VOPP1: variants seen among roughly 807,000 people sequenced by gnomAD.
VOPP1 encodes the protein VOPP1 WW domain binding protein, also known as WW domain binding protein VOPP1.
A neutral mutation model predicts 23.5 loss-of-function variants in VOPP1; 8 were observed. That is an observed-to-expected ratio of 0.34 (90% CI 0.20 to 0.61). The LOEUF (loss-of-function observed/expected upper bound fraction) is 0.61, where lower values mean the gene tolerates loss of function less well. VOPP1 is among the 20% of genes least tolerant of loss of function. The pLI is 0.78. For synonymous variants in VOPP1, 83 were observed against 97.3 expected (o/e 0.85, Z 0.86); for missense variants, 174 against 238.1 (o/e 0.73, Z 1.77).
intron 1 of VOPP1, among the ~76,000 whole-genome samples, chr7:55,556,612 C>T (rs917539636): frequency 7.0e-6 from 1 of 142,560 alleles, no homozygotes; most frequent in East Asian, 2.1e-4. Flanking sequence ...TCTGTGAAAA[C>T]AAATAAACCT....
At chr7:55,453,072 C>A (rs1791283634) in intron 4 of VOPP1, among the ~76,000 whole-genome samples, 1 of 152,194 alleles carries the variant, frequency 6.6e-6, no homozygotes, top group African/African-American at 2.4e-5. Flanking sequence ...AGTGTAGCCA[C>A]CCTCCTCAGT....
At chr7:55,565,534 A>C (rs1461262915) in intron 1 of VOPP1, among the ~76,000 whole-genome samples, 1 of 152,246 alleles carries the variant, frequency 6.6e-6, no homozygotes, top group Non-Finnish European at 1.5e-5. Context: ...ACTGGATTTT[A>C]AAAAATAGTG....
At chr7:55,551,841 A>C (rs1013509689) in intron 1 of VOPP1, among the ~76,000 whole-genome samples, 12 of 152,122 alleles carry the variant, frequency 7.9e-5, no homozygotes, top group Non-Finnish European at 1.5e-5. Flanking sequence ...GCAGTTTGAG[A>C]CCAGCCGGGC....
At chr7:55,506,043 C>T (rs975621013) in intron 2 of VOPP1, among the ~76,000 whole-genome samples, 1 of 152,204 alleles carries the variant, frequency 6.6e-6, no homozygotes, top group African/African-American at 2.4e-5. Context: ...ACAAAACACC[C>T]TTTTAATAAT....
At chr7:55,507,487 T>A (rs1794807515) in intron 2 of VOPP1, among the ~76,000 whole-genome samples, 1 of 152,106 alleles carries the variant, frequency 6.6e-6, no homozygotes, top group African/African-American at 2.4e-5. Context: ...ATGAGTTTGG[T>A]CATATGCAAA....
intron 2 of VOPP1, among the ~76,000 whole-genome samples, chr7:55,519,678 C>G (rs1795710151): frequency 6.6e-6 from 1 of 152,230 alleles, no homozygotes; most frequent in African/African-American, 2.4e-5. Context: ...CTTTCTGCAG[C>G]TGCAGAGGCT....
At chr7:55,464,610 T>C (rs991168998) in intron 4 of VOPP1, among the ~76,000 whole-genome samples, 40 of 152,186 alleles carry the variant, frequency 2.6e-4, no homozygotes, top group Non-Finnish European at 8.8e-5. Context: ...CCCTGCAGCA[T>C]AGAATACTGT....
intron 3 of VOPP1, among the ~76,000 whole-genome samples, chr7:55,496,312 A>AG (rs11435359): frequency 1 from 152,353 of 152,354 alleles, 76,176 homozygotes; most frequent in Non-Finnish European, 1. Context: ...GAGGCTCCGG[A>AG]GCAAGGCCTG....
rs1244340334 is a variant in VOPP1, at chr7:55,471,749, G to A, written c.*1106C>T. On this transcript the variant is annotated 3_prime_UTR_variant, in exon 5 of 5. Coordinates refer to ENST00000285279, the MANE Select transcript of VOPP1 (RefSeq NM_030796.5). ...TAATTATGACAACATGGTCAGTGCA[G>A]TTGAGTCAGTACTTCTCCTGTCTTT... 6.6e-6 allele frequency: 1 copy of A among 151,748 alleles called. No individual in the cohort carries two copies. The highest frequency in any genetic ancestry group is 1.5e-5 in the Non-Finnish European group (1 of 67,954). The allele number at this position is 151,748 out of a possible 1,614,324, so 9.4% of individuals were successfully genotyped here.
rs577403967 is a variant in VOPP1 at position 55,497,701 on chromosome 7, A to C, written c.114-11T>G. ...TCGTAGGAGCGGCATCTGTGGAGAG[A>C]GGCACAGGCTGGTCAGCACTGAATT... On this transcript the variant is annotated splice_polypyrimidine_tract_variant and intron_variant, in intron 2 of 4. Transcript: ENST00000285279. 7 of 1,613,714 alleles carry C rather than the reference A, an allele frequency of 4.3e-6. No homozygotes were observed. In the South Asian group the frequency reaches 6.6e-5, roughly 15 times the overall value.
chr7:55,504,660 T>C (rs1413608232), intron 2 of VOPP1, among the ~76,000 whole-genome samples: 2 of 152,254 alleles, frequency 1.3e-5, no homozygotes, highest in South Asian at 2.1e-4. Flanking sequence ...CTGTTCCTTG[T>C]GCAGAATCCA....
At chr7:55,489,428 C>G (rs1020936355) in intron 4 of VOPP1, among the ~76,000 whole-genome samples, 2 of 152,230 alleles carry the variant, frequency 1.3e-5, no homozygotes, top group Non-Finnish European at 2.9e-5. Context: ...CCGTGGGAAG[C>G]CTTCCTGGAG....
chr7:55,479,971 A>G (rs1247689585), intron 4 of VOPP1, among the ~76,000 whole-genome samples: 1 of 152,218 alleles, frequency 6.6e-6, no homozygotes, highest in East Asian at 1.9e-4. Context: ...ATAACTTACA[A>G]TGTTAATTGC....
At position 55,572,211 on chromosome 7, in the gene VOPP1, C is replaced by T. The variant is rs1798389136; in HGVS notation, c.54+60G>A. 6 of 1,441,384 alleles carry T rather than the reference C, an allele frequency of 4.2e-6. No individual in the cohort carries two copies. In the African/African-American group the frequency reaches 7.4e-5, roughly 18 times the overall value. The allele number at this position is 1,441,384 out of a possible 1,614,324, so 89.3% of individuals were successfully genotyped here. On this transcript the variant is annotated intron_variant, in intron 1 of 4. Transcript: ENST00000285279. ...TCTGGGGCGCCTCGGAACTGCGCGC[C>T]CCCAGCCGCCAGCATGGTGGGCGCC...
At chr7:55,559,060 A>C (rs1424402657) in intron 1 of VOPP1, among the ~76,000 whole-genome samples, 1 of 152,178 alleles carries the variant, frequency 6.6e-6, no homozygotes, top group Non-Finnish European at 1.5e-5. Flanking sequence ...TAAGTCACTA[A>C]GTATCCAGTG....
At chr7:55,562,260 G>C (rs1172422472) in intron 1 of VOPP1, among the ~76,000 whole-genome samples, 1 of 152,130 alleles carries the variant, frequency 6.6e-6, no homozygotes, top group East Asian at 1.9e-4. Context: ...CTGACTGCCT[G>C]AGACACAGGC....
chr7:55,460,543 A>G (rs144379092), intron 4 of VOPP1, among the ~76,000 whole-genome samples: 1 of 152,102 alleles, frequency 6.6e-6, no homozygotes, highest in East Asian at 1.9e-4. Context: ...ATCTCTCCCT[A>G]TAGATGTAAT....
downstream of VOPP1, among the ~76,000 whole-genome samples, chr7:55,468,836 G>A (rs773502311): frequency 6.6e-6 from 1 of 152,204 alleles, no homozygotes; most frequent in Non-Finnish European, 1.5e-5. Flanking sequence ...GGGCAGGTCA[G>A]ATCTCAGTGT....
At chr7:55,504,493 A>G (rs1223428509) in intron 2 of VOPP1, among the ~76,000 whole-genome samples, 3 of 152,236 alleles carry the variant, frequency 2.0e-5, no homozygotes, top group African/African-American at 7.2e-5. Context: ...TGCCCCAGCA[A>G]ATCTCCTTGT....
Sources: gnomAD v4.1 joint callset for allele counts (sites outside exome capture counted in the v4.1 genomes callset) on GRCh38, gnomAD v4.1.1 for gene constraint, MANE v1.5 for transcripts, NCBI Gene and HGNC (gene_info 2026-07-23, HGNC 2026-07-21) for gene names.